PADI1: variants seen among roughly 807,000 people sequenced by gnomAD.
PADI1 encodes the protein peptidyl arginine deiminase 1.
A neutral mutation model predicts 74.8 loss-of-function variants in PADI1; 65 were observed. The observed-to-expected ratio is 0.87, with a 90% CI of 0.71 to 1.07. The LOEUF is 1.07. PADI1 is among the 50% of genes least tolerant of loss of function. The pLI is 0.00. For missense variants in PADI1, 943 were observed against 854.0 expected (o/e 1.10, Z -1.30); for synonymous variants, 371 against 336.2 (o/e 1.10, Z -1.13).
At chr1:17,238,391 G>A (rs1163123368) in intron 12 of PADI1, among the ~76,000 whole-genome samples, 1 of 152,250 alleles carries the variant, frequency 6.6e-6, no homozygotes, top group Non-Finnish European at 1.5e-5. Context: ...TGGGCAAAAT[G>A]CGAAGGGCGT....
intron 5 of PADI1, 34 bp from the exon 6 acceptor site, chr1:17,225,999 G>A (rs1276952977): frequency 1.9e-6 from 3 of 1,612,160 alleles, no homozygotes; most frequent in Non-Finnish European, 2.5e-6. Flanking sequence ...GTGGGGTGGA[G>A]AAAGGGCGAT....
chr1:17,239,064 G>A (rs1197464751), intron 13 of PADI1, among the ~76,000 whole-genome samples: 2 of 152,238 alleles, frequency 1.3e-5, no homozygotes, highest in South Asian at 2.1e-4. Flanking sequence ...GGAGCAGCAG[G>A]GCTGGGGCCT....
intron 8 of PADI1, among the ~76,000 whole-genome samples, chr1:17,229,412 G>A (rs975800739): frequency 7.9e-5 from 12 of 152,212 alleles, no homozygotes; most frequent in Non-Finnish European, 1.8e-4. Context: ...ACATGGGTAC[G>A]ATCCCTTGCC....
At position 17,244,122 on chromosome 1, in the gene PADI1, G is replaced by T; in HGVS notation, c.1871G>T (p.Gly624Val). 6.2e-7 allele frequency: 1 copy of T among 1,614,196 alleles called. No homozygotes were observed. The part of the protein sequence containing the change: ...EKVQSLLEPL[G>V]LHCIFIDDYL... ...GTGCAGTCCCTGCTGGAGCCTCTGG[G>T]CCTGCACTGCATCTTCATTGATGAC... Residue 624 changes from glycine (G) to valine (V), a missense_variant, in exon 16 of 16, where the codon GGC becomes GTC. Gly to Val is a moderately radical substitution (Grantham distance 109). Coordinates refer to ENST00000375471, the MANE Select transcript of PADI1 (RefSeq NM_013358.3).
intron 1 of PADI1, among the ~76,000 whole-genome samples, chr1:17,205,687 A>G (rs2071664103): frequency 6.6e-6 from 1 of 152,010 alleles, no homozygotes; most frequent in Non-Finnish European, 1.5e-5. Context: ...CACCTCCCTC[A>G]ATTTCTTGCC....
chr1:17,234,603 G>T (rs1460408338), intron 11 of PADI1, among the ~76,000 whole-genome samples: 1 of 152,236 alleles, frequency 6.6e-6, no homozygotes, highest in Non-Finnish European at 1.5e-5. Flanking sequence ...CCACTTTACA[G>T]ATAAGGAAGC....
intron 1 of PADI1, among the ~76,000 whole-genome samples, chr1:17,215,804 C>T (rs2071962126): frequency 6.6e-6 from 1 of 152,180 alleles, no homozygotes; most frequent in Non-Finnish European, 1.5e-5. Flanking sequence ...AGCAGCGATG[C>T]AGACAGCATA....
intron 11 of PADI1, among the ~76,000 whole-genome samples, chr1:17,234,774 GA>G (rs2072587951): frequency 1.3e-5 from 2 of 152,132 alleles, no homozygotes; most frequent in Admixed American, 1.3e-4. Flanking sequence ...TCTAATGAGG[GA>G]GACAGGCAAG....
rs1447913786 is a variant in PADI1 at position 17,240,730 on chromosome 1, C to T, written c.1728C>T (p.Asn576=). The T allele has an allele frequency of 1.2e-6, 2 of 1,614,106 alleles. No homozygotes were observed. The highest frequency in any genetic ancestry group is 1.7e-6 in the Non-Finnish European group (2 of 1,179,940). ...TTCCCCAGCTCTTCTTCCTGAAAAA[C>T]TTCTACGCGGAAGCCTTCTTCCCAG... is the stretch of plus-strand genomic sequence containing the variant. ...VDIPQLFFLK[N]FYAEAFFPDM... Residue 576 remains asparagine (N), a synonymous_variant, in exon 15 of 16, where the codon AAC becomes AAT. Transcript: ENST00000375471.
At chr1:17,225,781 C>A in intron 4 of PADI1, 30 bp from the exon 5 acceptor site, 1 of 1,572,980 alleles carries the variant, frequency 6.4e-7, no homozygotes, top group Non-Finnish European at 8.7e-7. Flanking sequence ...CTGGGTCCCA[C>A]TGATCCCAAG....
intron 11 of PADI1, among the ~76,000 whole-genome samples, chr1:17,235,977 T>C (rs2072631895): frequency 6.6e-6 from 1 of 152,162 alleles, no homozygotes; most frequent in African/African-American, 2.4e-5. Flanking sequence ...AAACCAGGAA[T>C]GAGGCCTTTG....
At chr1:17,229,081 A>G (rs1259656686) in intron 8 of PADI1, 30 bp downstream of exon 8, 1 of 1,378,164 alleles carries the variant, frequency 7.3e-7, no homozygotes, top group Non-Finnish European at 1.0e-6. Flanking sequence ...GCCCTCCCCC[A>G]AGTCTGGAGT....
intron 11 of PADI1, among the ~76,000 whole-genome samples, chr1:17,235,261 G>GGGAAGGGAAGGAAGGAA (rs2072607570): frequency 1.4e-5 from 1 of 72,978 alleles, no homozygotes; most frequent in Non-Finnish European, 2.6e-5. Flanking sequence ...GAGGGAGGAA[G>GGGAAGGGAAGGAAGGAA]GGAAGGAAGG....
intron 1 of PADI1, among the ~76,000 whole-genome samples, chr1:17,219,962 T>C (rs1452881699): frequency 6.6e-6 from 1 of 151,676 alleles, no homozygotes; most frequent in Non-Finnish European, 1.5e-5. Flanking sequence ...GTGGCTGGGA[T>C]TGAAAGGGAG....
At position 17,230,642 on chromosome 1, in the gene PADI1, A is replaced by G; in HGVS notation, c.1124A>G (p.Asn375Ser). The change falls in exon 10 of 16, where the codon AAC (asparagine) becomes AGC (serine). Residue 375 changes from asparagine to serine, a missense_variant. Transcript: ENST00000375471. ...CCCGTGGTCTTTGACTCCCCCAGGA[A>G]CAGGGGCCTGAAAGATTTCCCCTAT... is the stretch of plus-strand genomic sequence containing the variant. ...SFPVVFDSPR[N>S]RGLKDFPYKR... 3 of 1,611,780 alleles carry G rather than the reference A, an allele frequency of 1.9e-6. No individual in the cohort carries two copies. In the Middle Eastern group the frequency reaches 5.0e-4, roughly 266 times the overall value.
In PADI1 at chr1:17,244,362, C is replaced by A; in HGVS notation, c.*119C>A. 1.3e-6 allele frequency: 1 copy of A among 780,094 alleles called. No homozygotes were observed. The highest frequency in any genetic ancestry group is 2.2e-6 in the Non-Finnish European group (1 of 445,254). The allele number at this position is 780,094 out of a possible 1,614,324, so 48.3% of individuals were successfully genotyped here. A position where few individuals can be genotyped will look rare whatever the true frequency, so the allele number is the denominator to read the frequency against. Reference sequence around the variant, plus strand: ...GGGAGTCTTGGCACTTTGCAAACATCCTGGCCACCATGGGCACCAGGACAC... The same window carrying A: ...GGGAGTCTTGGCACTTTGCAAACATACTGGCCACCATGGGCACCAGGACAC... On this transcript the variant is annotated 3_prime_UTR_variant, in exon 16 of 16. Coordinates refer to ENST00000375471, the MANE Select transcript of PADI1 (RefSeq NM_013358.3).
At chr1:17,223,500 TG>T (rs906356135) in intron 2 of PADI1, 120 bp from the exon 3 acceptor site, 26 of 756,560 alleles carry the variant, frequency 3.4e-5, no homozygotes, top group African/African-American at 1.2e-4. Context: ...CTTCAGAGAC[TG>T]GGGGGGTCTC....
Position 17,232,982 on chromosome 1 carries a change from G to T in PADI1, c.1313+12G>T. ...AGCAGCTTCCCCAAGTGAGGGGCTG[G>T]GGCGGGAGGTGGGGAGGCACAAGGG... On this transcript the variant is annotated intron_variant, in intron 11 of 15. Transcript: ENST00000375471. 1 of 1,591,022 alleles carries T rather than the reference G, an allele frequency of 6.3e-7. No homozygotes were observed. The highest frequency in any genetic ancestry group is 8.5e-7 in the Non-Finnish European group (1 of 1,170,394).
chr1:17,231,521 A>AACCC (rs899240559), intron 10 of PADI1, among the ~76,000 whole-genome samples: 6 of 152,082 alleles, frequency 3.9e-5, no homozygotes, highest in African/African-American at 1.4e-4. Context: ...AGGGACATTC[A>AACCC]ACCCAGCCTG....
Sources: gnomAD v4.1 joint callset for allele counts (sites outside exome capture counted in the v4.1 genomes callset) on GRCh38, gnomAD v4.1.1 for gene constraint, MANE v1.5 for transcripts, NCBI Gene and HGNC (gene_info 2026-07-23, HGNC 2026-07-21) for gene names.